The following RPGRIP1L variants were observed in gnomAD, a reference collection of about 807,000 sequenced individuals.
The protein encoded by RPGRIP1L is protein fantom.
Under a neutral mutation model 160.4 loss-of-function variants are expected in RPGRIP1L, and 131 were observed. The observed-to-expected ratio is 0.82, with a 90% CI of 0.71 to 0.94. The LOEUF (loss-of-function observed/expected upper bound fraction) is 0.94, where lower values mean the gene tolerates loss of function less well. Ranked by LOEUF, RPGRIP1L falls within the 40% of genes least tolerant of loss-of-function variation. The pLI, the probability that RPGRIP1L is intolerant of heterozygous loss-of-function variation, is 0.00. For missense variants in RPGRIP1L, 1,522 were observed against 1,535.8 expected, an observed-to-expected ratio of 0.99 and a Z score of 0.15; for synonymous variants, 510 against 515.8, an observed-to-expected ratio of 0.99 and a Z score of 0.15.
chr16:53,654,367 A>T, intron 14 of RPGRIP1L, among the ~76,000 whole-genome samples: 1 of 152,096 alleles, frequency 6.6e-6, no homozygotes, highest in Non-Finnish European at 1.5e-5. Context: ...CAGTTTCTCA[A>T]ATGTACTGCA....
At chr16:53,611,940 T>C (rs1964071824) in intron 24 of RPGRIP1L, among the ~76,000 whole-genome samples, 1 of 152,208 alleles carries the variant, frequency 6.6e-6, no homozygotes, top group African/African-American at 2.4e-5. Flanking sequence ...AAGCATGCAA[T>C]GGGTGAAAGA....
At chr16:53,621,703 G>T (rs1243818938) in intron 23 of RPGRIP1L, among the ~76,000 whole-genome samples, 2 of 152,072 alleles carry the variant, frequency 1.3e-5, no homozygotes, top group Non-Finnish European at 2.9e-5. Flanking sequence ...GAACAATTCT[G>T]GTTGTGTTCA....
chr16:53,654,741 C>T (rs934596201), intron 14 of RPGRIP1L, among the ~76,000 whole-genome samples: 4 of 152,078 alleles, frequency 2.6e-5, no homozygotes, highest in African/African-American at 4.8e-5. Flanking sequence ...ATTGAGGGGA[C>T]AGATAAAATA....
At position 53,692,149 on chromosome 16, in the gene RPGRIP1L, G is replaced by A. The variant is rs1406955571; in HGVS notation, c.446C>T (p.Pro149Leu). The A allele has an allele frequency of 1.9e-6, 3 of 1,613,968 alleles. No individual in the cohort carries two copies. The highest frequency in any genetic ancestry group is 2.2e-5 in the South Asian group (2 of 91,076). ...AATACGAGATTGTACATTATTGTATGGAGTTTGCCTGTAACCCTGGGTTTG... is the reference window on the plus strand; with the variant it reads ...AATACGAGATTGTACATTATTGTATAGAGTTTGCCTGTAACCCTGGGTTTG... Reference protein sequence around the residue: ...QLQTQGYRQTPYNNVQSRINT... With the variant: ...QLQTQGYRQTLYNNVQSRINT... Residue 149 changes from proline (P) to leucine (L), a missense_variant, in exon 4 of 27, where the codon CCA (proline) becomes CTA (leucine). Pro to Leu is a moderately conservative substitution (Grantham distance 98, BLOSUM62 -3). Coordinates refer to ENST00000647211, the MANE Select transcript of RPGRIP1L (RefSeq NM_015272.5).
At chr16:53,639,708 C>T (rs544874838) in intron 19 of RPGRIP1L, among the ~76,000 whole-genome samples, 2 of 152,070 alleles carry the variant, frequency 1.3e-5, no homozygotes, top group African/African-American at 2.4e-5. Flanking sequence ...TATCTTTAAA[C>T]GGGAATAATT....
At chr16:53,679,920 T>G in intron 6 of RPGRIP1L, among the ~76,000 whole-genome samples, 1 of 152,170 alleles carries the variant, frequency 6.6e-6, no homozygotes, top group Non-Finnish European at 1.5e-5. Context: ...AGTAAAGAAT[T>G]TGGCCAGAGA....
At chr16:53,658,173 T>C (rs1454014287) in intron 12 of RPGRIP1L, among the ~76,000 whole-genome samples, 1 of 152,150 alleles carries the variant, frequency 6.6e-6, no homozygotes, top group Admixed American at 6.5e-5. Flanking sequence ...TGAGGTCTGG[T>C]TTAATGTAAC....
intron 22 of RPGRIP1L, chr16:53,628,122 G>T (rs528278133): frequency 6.6e-6 from 1 of 151,282 alleles, no homozygotes; most frequent in Non-Finnish European, 1.5e-5. Flanking sequence ...AAAATACTGT[G>T]TGTGTGTGTG....
At chr16:53,656,239 G>A (rs760413217) in intron 14 of RPGRIP1L, among the ~76,000 whole-genome samples, 13 of 152,044 alleles carry the variant, frequency 8.6e-5, no homozygotes, top group Non-Finnish European at 1.8e-4. Flanking sequence ...GCGGGAGGAC[G>A]ATTTGAGCCC....
intron 22 of RPGRIP1L, among the ~76,000 whole-genome samples, chr16:53,622,975 T>A (rs1411118452): frequency 6.6e-6 from 1 of 151,972 alleles, no homozygotes; most frequent in Non-Finnish European, 1.5e-5. Flanking sequence ...CTCTATGCAC[T>A]GTAGCCTGGG....
At chr16:53,681,678 CA>C (rs1969620119) in intron 6 of RPGRIP1L, among the ~76,000 whole-genome samples, 1 of 152,184 alleles carries the variant, frequency 6.6e-6, no homozygotes, top group African/African-American at 2.4e-5. Context: ...GCTTTGACTT[CA>C]AAGCAATTAA....
At position 53,658,897 on chromosome 16, in the gene RPGRIP1L, A is replaced by G. The variant is rs752471471; in HGVS notation, c.1244-19T>C. Reference sequence around the variant, plus strand: ...TTTTGATCTTAAAAATAAAGTCCACACAATTGGAAAGGTAAGTAAAAATCA... The same window carrying G: ...TTTTGATCTTAAAAATAAAGTCCACGCAATTGGAAAGGTAAGTAAAAATCA... On this transcript the variant is annotated intron_variant, in intron 10 of 26. Coordinates refer to ENST00000647211, the MANE Select transcript of RPGRIP1L (RefSeq NM_015272.5). The G allele has an allele frequency of 7.6e-6, 11 of 1,456,240 alleles. No homozygotes were observed. In the Admixed American group the frequency reaches 9.1e-5, roughly 12 times the overall value. 90.2% of individuals were successfully genotyped at this position (1,456,240 alleles called of 1,614,324 possible). A position where few individuals can be genotyped will look rare whatever the true frequency, so the allele number is the denominator to read the frequency against.
chr16:53,694,000 G>T (rs1194387569), intron 3 of RPGRIP1L: 3 of 152,134 alleles, frequency 2.0e-5, no homozygotes, highest in East Asian at 3.8e-4. Context: ...TTCTTCAAAT[G>T]ATATTCAAAT....
intron 10 of RPGRIP1L, among the ~76,000 whole-genome samples, chr16:53,660,996 TAAAGA>T (rs1405180447): frequency 6.6e-6 from 1 of 150,528 alleles, no homozygotes; most frequent in East Asian, 2.0e-4. Context: ...TCTAGTTTAC[TAAAGA>T]AAAGAATATC....
chr16:53,679,573 G>A (rs1253063661), intron 6 of RPGRIP1L, among the ~76,000 whole-genome samples: 5 of 137,740 alleles, frequency 3.6e-5, no homozygotes, highest in African/African-American at 1.2e-4. Flanking sequence ...GCAGGAATCT[G>A]AACCTTACAG....
At chr16:53,620,023 C>T (rs1964609964) in intron 23 of RPGRIP1L, among the ~76,000 whole-genome samples, 1 of 152,020 alleles carries the variant, frequency 6.6e-6, no homozygotes, top group African/African-American at 2.4e-5. Context: ...CTGTTTTTTA[C>T]AATTTAAAGT....
chr16:53,674,800 T>C (rs954998339), intron 7 of RPGRIP1L, among the ~76,000 whole-genome samples: 1 of 152,126 alleles, frequency 6.6e-6, no homozygotes, highest in Non-Finnish European at 1.5e-5. Context: ...CAGATATTTA[T>C]AAAAAGTCCA....
intron 9 of RPGRIP1L, 67 bp downstream of exon 9, chr16:53,671,443 C>T (rs950387623): frequency 1.0e-5 from 10 of 987,500 alleles, no homozygotes; most frequent in Admixed American, 3.5e-5. Context: ...ATTCTGACAA[C>T]AGCAAATGCT....
In RPGRIP1L at chr16:53,641,082, G is replaced by T; in HGVS notation, c.2909C>A (p.Pro970His). 6.2e-7 allele frequency: 1 copy of T among 1,613,788 alleles called. No homozygotes were observed. The highest frequency in any genetic ancestry group is 8.5e-7 in the Non-Finnish European group (1 of 1,179,844). The change falls in exon 19 of 27, where the codon CCT becomes CAT. Residue 970 changes from proline to histidine, a missense_variant. By Grantham distance (77) the Pro-to-His change is moderately conservative (BLOSUM62 -2). Transcript: ENST00000647211. The stretch of plus-strand genomic sequence containing the variant: ...CACGAAAGATACCTTCTTATCTACA[G>T]GTGTTAAACGTTGTCTTGGTTTAGG... ...PRPKPRQRLT[P>H]VDKKVSFVDI...
Sources: allele counts gnomAD v4.1 joint callset (sites outside exome capture counted in the v4.1 genomes callset), GRCh38; gene constraint gnomAD v4.1.1; transcripts MANE v1.5; gene names NCBI Gene and HGNC (gene_info 2026-07-23, HGNC 2026-07-21).